Variants in CCNY observed in about 807,000 individuals in gnomAD.
CCNY encodes the protein cyclin-Y.
CCNY carries 19 observed loss-of-function variants against 42.8 expected under a neutral mutation model. That is an observed-to-expected ratio of 0.44 (90% CI 0.31 to 0.65). The LOEUF is 0.65. CCNY is among the 30% of genes least tolerant of loss of function. The probability of loss-of-function intolerance (pLI) is 0.07; values close to 1 mark genes in which losing one functional copy is unlikely to be tolerated. For synonymous variants in CCNY, 165 were observed against 162.7 expected (o/e 1.01, Z -0.11); for missense variants, 370 against 437.3 (o/e 0.85, Z 1.37).
At position 35,569,109 on chromosome 10, in the gene CCNY, A is replaced by AGC. The variant is rs1238582210; in HGVS notation, c.968_969dup (p.Ser324AlafsTer8). ...AAGGACCTAAGAAGATCCGCGAGGA[A>AGC]GCGCTCAGCCAGTGCAGACAACCTG... On this transcript the variant is annotated frameshift_variant, in exon 10 of 10. Transcript: ENST00000374704. LOFTEE classifies it high-confidence loss of function. The AGC allele has an allele frequency of 6.2e-7, 1 of 1,612,880 alleles. No homozygotes were observed. The highest frequency in any genetic ancestry group is 8.5e-7 in the Non-Finnish European group (1 of 1,179,748).
At chr10:35,380,711 A>G (rs895171780) in intron 1 of CCNY, among the ~76,000 whole-genome samples, 4 of 152,164 alleles carry the variant, frequency 2.6e-5, no homozygotes, top group Non-Finnish European at 4.4e-5. Flanking sequence ...TGACAGGCCC[A>G]GAGAGATTAA....
chr10:35,490,146 C>T (rs1005755978), intron 2 of CCNY, among the ~76,000 whole-genome samples: 9 of 152,190 alleles, frequency 5.9e-5, no homozygotes, highest in African/African-American at 2.2e-4. Context: ...GGAGGAACCC[C>T]CACCTGCTCT....
chr10:35,460,548 A>G (rs1164185550), intron 1 of CCNY, among the ~76,000 whole-genome samples: 2 of 152,270 alleles, frequency 1.3e-5, no homozygotes, highest in Non-Finnish European at 2.9e-5. Context: ...TGCCTGGCAC[A>G]TAACATTCAT....
At chr10:35,393,128 T>TA (rs1342790730) in intron 1 of CCNY, among the ~76,000 whole-genome samples, 2 of 152,140 alleles carry the variant, frequency 1.3e-5, no homozygotes, top group East Asian at 3.8e-4. Context: ...CTTCCCCTAT[T>TA]AGGATAGTCT....
chr10:35,496,339 C>T (rs1350770124), intron 2 of CCNY, among the ~76,000 whole-genome samples: 1 of 152,186 alleles, frequency 6.6e-6, no homozygotes, highest in African/African-American at 2.4e-5. Context: ...TGTTGGAGGG[C>T]GGATGTATAG....
intron 8 of CCNY, among the ~76,000 whole-genome samples, chr10:35,553,708 C>G (rs910654103): frequency 6.6e-6 from 1 of 152,056 alleles, no homozygotes. Context: ...CCTGGGGCTC[C>G]CACTTGCAGC....
Position 35,267,935 on chromosome 10 carries a change from CT to C in CCNY, c.-9+17318del, listed in dbSNP as rs890477921. On this transcript the variant is annotated intron_variant, in intron 3 of 11. Coordinates refer to the CCNY transcript ENST00000374706. ...ACTTCAGTTCTTATCTTCTTTTTTC[CT>C]TTTTTTTTGAGACAGAGTCTCATGA... Among the ~76,000 whole-genome samples the C allele has an allele frequency of 1.8e-3, 266 of 150,996 alleles. 4 individuals carry two copies. The highest frequency in any genetic ancestry group is 6.2e-3 in the African/African-American group (257 of 41,186).
chr10:35,309,810 T>C (rs1261832482), intron 3 of CCNY, among the ~76,000 whole-genome samples: 1 of 152,004 alleles, frequency 6.6e-6, no homozygotes, highest in Non-Finnish European at 1.5e-5. Flanking sequence ...TATTTATTTA[T>C]TTATTTAGAG....
chr10:35,390,990 A>G (rs1837401304), intron 1 of CCNY, among the ~76,000 whole-genome samples: 1 of 152,216 alleles, frequency 6.6e-6, no homozygotes, highest in African/African-American at 2.4e-5. Context: ...GAAAGAGTAC[A>G]GACTCCACCA....
chr10:35,264,781 A>C (rs1048083943), intron 3 of CCNY, among the ~76,000 whole-genome samples: 23 of 151,984 alleles, frequency 1.5e-4, no homozygotes, highest in African/African-American at 5.3e-4. Context: ...CAGCCTCCTA[A>C]GTAGCTGGGA....
chr10:35,417,950 A>G (rs1214588963), intron 1 of CCNY, among the ~76,000 whole-genome samples: 2 of 152,192 alleles, frequency 1.3e-5, no homozygotes, highest in Non-Finnish European at 2.9e-5. Context: ...GCTGTGTGAC[A>G]TTCAGCTGGT....
chr10:35,389,358 A>G (rs1427546252), intron 1 of CCNY, among the ~76,000 whole-genome samples: 1 of 151,826 alleles, frequency 6.6e-6, no homozygotes, highest in Non-Finnish European at 1.5e-5. Context: ...TATGGTGCTT[A>G]GTAAGTGTTT....
At chr10:35,398,639 GT>G (rs1346020176) in intron 1 of CCNY, among the ~76,000 whole-genome samples, 1 of 152,134 alleles carries the variant, frequency 6.6e-6, no homozygotes, top group African/African-American at 2.4e-5. Context: ...AAGGCTGTAA[GT>G]TTTGCTAACT....
chr10:35,548,770 C>G (rs1841175675), intron 7 of CCNY, among the ~76,000 whole-genome samples: 1 of 152,036 alleles, frequency 6.6e-6, no homozygotes, highest in African/African-American at 2.4e-5. Context: ...GAGGCAGGTG[C>G]ATTCGGTGTA....
chr10:35,256,239 T>C (rs571983097), intron 3 of CCNY, among the ~76,000 whole-genome samples: 8 of 152,300 alleles, frequency 5.3e-5, no homozygotes, highest in Non-Finnish European at 1.2e-4. Context: ...TGCTATTTTT[T>C]TCTATATGCC....
intron 1 of CCNY, among the ~76,000 whole-genome samples, chr10:35,404,761 A>G (rs559340259): frequency 5.9e-5 from 9 of 152,300 alleles, no homozygotes; most frequent in South Asian, 4.1e-4. Flanking sequence ...GTTGGACACA[A>G]TCAGCAGGGA....
At chr10:35,337,717 C>T (rs929388228) in intron 1 of CCNY, among the ~76,000 whole-genome samples, 1 of 149,576 alleles carries the variant, frequency 6.7e-6, no homozygotes, top group East Asian at 2.0e-4. Context: ...CCACTTCCCC[C>T]GTTCCCATTC....
At chr10:35,267,103 A>C (rs2095726332) in intron 3 of CCNY, among the ~76,000 whole-genome samples, 1 of 143,866 alleles carries the variant, frequency 7.0e-6, no homozygotes, top group Non-Finnish European at 1.5e-5. Flanking sequence ...AAAAAAAATG[A>C]CCTACTGTGG....
intron 1 of CCNY, among the ~76,000 whole-genome samples, chr10:35,346,890 G>A (rs1179139641): frequency 1.3e-5 from 2 of 152,250 alleles, no homozygotes; most frequent in Non-Finnish European, 2.9e-5. Context: ...GCCTTCCAAA[G>A]TGCTGGGATT....
Sources: gnomAD v4.1 joint callset for allele counts (sites outside exome capture counted in the v4.1 genomes callset) on GRCh38, gnomAD v4.1.1 for gene constraint, MANE v1.5 for transcripts, NCBI Gene and HGNC (gene_info 2026-07-23, HGNC 2026-07-21) for gene names.